Variants in ATP2C1 observed in about 807,000 individuals in gnomAD.
The protein encoded by ATP2C1 is calcium-transporting ATPase type 2C member 1.
In ATP2C1, 31 loss-of-function variants were observed where a neutral mutation model predicts 120.5. The observed-to-expected ratio is 0.26, with a 90% CI of 0.19 to 0.35. The LOEUF (loss-of-function observed/expected upper bound fraction) is 0.35, where lower values mean the gene tolerates loss of function less well. Ranked by LOEUF, ATP2C1 falls within the 10% of genes least tolerant of loss-of-function variation. ATP2C1 has a pLI of 1.00. For synonymous variants in ATP2C1, 351 were observed against 358.7 expected (o/e 0.98, Z 0.24); for missense variants, 731 against 1,107.5 (o/e 0.66, Z 4.83).
intron 8 of ATP2C1, among the ~76,000 whole-genome samples, chr3:130,943,218 T>C (rs1005834663): frequency 6.6e-6 from 1 of 152,180 alleles, no homozygotes; most frequent in African/African-American, 2.4e-5. Context: ...ATTGTGAATT[T>C]TTTATTTTTG....
In ATP2C1 at chr3:130,970,369, TACACAC is replaced by T. The variant is rs201337484; in HGVS notation, c.1413+1006_1413+1011del. On this transcript the variant is annotated intron_variant, in intron 17 of 27. Coordinates refer to ENST00000510168, the MANE Select transcript of ATP2C1 (RefSeq NM_001378687.1). ...GCAACAGCCTGTCTAAAAAAAAAAT[TACACAC>T]ACACACACACACACACACACACACA... 6.2e-4 allele frequency among the ~76,000 whole-genome samples: 81 copies of T among 130,730 alleles called. No individual in the cohort carries two copies. In the East Asian group the frequency reaches 8.5e-3, roughly 14 times the overall value. 85.8% of individuals were successfully genotyped at this position (130,730 alleles called of 152,430 possible).
chr3:130,996,000 A>G (rs770604952), intron 22 of ATP2C1, 43 bp from the exon 23 acceptor site: 2 of 1,231,962 alleles, frequency 1.6e-6, no homozygotes, highest in African/African-American at 3.0e-5. Flanking sequence ...ACATTTTTGT[A>G]TGATAATATT....
chr3:130,978,280 T>A (rs2061613118), intron 18 of ATP2C1, among the ~76,000 whole-genome samples: 1 of 152,102 alleles, frequency 6.6e-6, no homozygotes, highest in Non-Finnish European at 1.5e-5. Context: ...TAACCTTGAT[T>A]TTTTTTGAGC....
intron 13 of ATP2C1, 96 bp from the exon 14 acceptor site, chr3:130,964,852 G>C (rs2060981658): frequency 3.7e-6 from 3 of 812,174 alleles, no homozygotes; most frequent in Non-Finnish European, 6.0e-6. Context: ...AAAATTCAGA[G>C]AAGTAGGACA....
Position 131,002,287 on chromosome 3 carries a change from TG to T in ATP2C1, c.*938del. ...TTCTATTTTATTATTTTTACTGTTA[TG>T]TATGTTTTTAATCATATTTCTTAGG... On this transcript the variant is annotated 3_prime_UTR_variant, in exon 28 of 28. Transcript: ENST00000510168. The T allele has an allele frequency of 5.1e-6, 5 of 976,896 alleles. No individual in the cohort carries two copies. Among genetic ancestry groups the T allele is most frequent in the Non-Finnish European group, 6.1e-6 (5 of 822,156 alleles). 60.5% of individuals were successfully genotyped at this position (976,896 alleles called of 1,614,324 possible). A position where few individuals can be genotyped will look rare whatever the true frequency, so the allele number is the denominator to read the frequency against.
intron 2 of ATP2C1, among the ~76,000 whole-genome samples, chr3:130,925,078 C>G (rs2059144041): frequency 6.6e-6 from 1 of 152,116 alleles, no homozygotes; most frequent in South Asian, 2.1e-4. Context: ...TCTGGCAATT[C>G]AGAGAGTTCG....
Position 130,997,767 on chromosome 3 carries a change from C to A in ATP2C1, c.2391+14C>A. 1 of 1,612,294 alleles carries A rather than the reference C, an allele frequency of 6.2e-7. No individual in the cohort carries two copies. The highest frequency in any genetic ancestry group is 8.5e-7 in the Non-Finnish European group (1 of 1,179,042). ...TTCTGGCGTGAGGTATATTCACTGG[C>A]CAAGCTGCTATATTAACATGAATTC... On this transcript the variant is annotated intron_variant, in intron 25 of 27. Transcript: ENST00000510168.
intron 20 of ATP2C1, among the ~76,000 whole-genome samples, chr3:130,983,448 A>C (rs2061862259): frequency 6.6e-6 from 1 of 152,218 alleles, no homozygotes; most frequent in East Asian, 1.9e-4. Flanking sequence ...ACTGTAGTAT[A>C]TTTATTGCAA....
At chr3:130,938,877 A>T (rs1359724603) in intron 6 of ATP2C1, among the ~76,000 whole-genome samples, 1 of 152,234 alleles carries the variant, frequency 6.6e-6, no homozygotes, top group Admixed American at 6.5e-5. Flanking sequence ...ATCACTAGAA[A>T]GCCCATGTTT....
At chr3:130,862,163 T>G (rs1175778562) in intron 1 of ATP2C1, among the ~76,000 whole-genome samples, 2 of 150,854 alleles carry the variant, frequency 1.3e-5, no homozygotes, top group Non-Finnish European at 3.0e-5. Context: ...TTTTGTATTT[T>G]TAGTAGAGAC....
chr3:130,936,628 T>C (rs852227), intron 5 of ATP2C1, among the ~76,000 whole-genome samples: 118,599 of 151,064 alleles, frequency 0.79, 46,733 homozygotes, highest in Middle Eastern at 0.91. Flanking sequence ...CTGGCTAACA[T>C]GGTGAAACCC....
At chr3:130,957,980 G>A (rs2060653700) in intron 11 of ATP2C1, among the ~76,000 whole-genome samples, 1 of 152,140 alleles carries the variant, frequency 6.6e-6, no homozygotes, top group African/African-American at 2.4e-5. Context: ...TTACTGGTGT[G>A]TATGCCCTCA....
intron 1 of ATP2C1, among the ~76,000 whole-genome samples, chr3:130,861,976 TA>T (rs1236646724): frequency 6.6e-6 from 1 of 152,054 alleles, no homozygotes; most frequent in Non-Finnish European, 1.5e-5. Context: ...ATTTTTTAAT[TA>T]AAAAAATTTT....
chr3:130,861,757 G>A (rs140985998), intron 1 of ATP2C1, among the ~76,000 whole-genome samples: 89 of 152,146 alleles, frequency 5.8e-4, no homozygotes, highest in Admixed American at 2.2e-3. Flanking sequence ...AAGTAGATAC[G>A]AAGTGAATAC....
upstream of ATP2C1, among the ~76,000 whole-genome samples, chr3:130,891,711 CACTT>C (rs773177864): frequency 5.3e-5 from 8 of 152,106 alleles, no homozygotes; most frequent in Non-Finnish European, 1.0e-4. Flanking sequence ...AACCTGTGTT[CACTT>C]ACTTTATGAG....
chr3:130,977,924 T>G lies in ATP2C1; in HGVS notation c.1571-1325T>G, dbSNP rs556770833. On this transcript the variant is annotated intron_variant, in intron 18 of 27. Coordinates refer to ENST00000510168, the MANE Select transcript of ATP2C1 (RefSeq NM_001378687.1). The stretch of plus-strand genomic sequence containing the variant: ...TCTTAATTTTGATATTAGAGTATAT[T>G]TTGTTTTATGTCAGGGGCTCTCCAC... 3.9e-5 allele frequency among the ~76,000 whole-genome samples: 6 copies of G among 152,314 alleles called. No homozygotes were observed. In the East Asian group the frequency reaches 9.6e-4, roughly 24 times the overall value.
chr3:130,971,858 A>T (rs1181151038), intron 17 of ATP2C1, among the ~76,000 whole-genome samples: 1 of 152,186 alleles, frequency 6.6e-6, no homozygotes, highest in African/African-American at 2.4e-5. Context: ...GATTAAGAAG[A>T]TGTCATTGTC....
chr3:130,945,608 A>G lies in ATP2C1; in HGVS notation c.531+3909A>G, dbSNP rs149744692. ...TCAATTCCCACGTATGAGTGAGAAC[A>G]TGTGGTGTTTGGTTTTGGGTCCTTG... On this transcript the variant is annotated intron_variant, in intron 8 of 27. Transcript: ENST00000510168. Among the ~76,000 whole-genome samples, 337 of 148,186 alleles carry G rather than the reference A, an allele frequency of 2.3e-3. 2 individuals are homozygous for G. Among genetic ancestry groups the G allele is most frequent in the Non-Finnish European group, 3.6e-3 (242 of 67,602 alleles).
At chr3:130,865,983 A>G (rs1576540599) in intron 1 of ATP2C1, among the ~76,000 whole-genome samples, 1 of 152,210 alleles carries the variant, frequency 6.6e-6, no homozygotes, top group Non-Finnish European at 1.5e-5. Context: ...CTCATTGAGA[A>G]TGTATTGAAA....
Sources: gnomAD v4.1 joint callset for allele counts (sites outside exome capture counted in the v4.1 genomes callset) on GRCh38, gnomAD v4.1.1 for gene constraint, MANE v1.5 for transcripts, NCBI Gene and HGNC (gene_info 2026-07-23, HGNC 2026-07-21) for gene names.